Variants in CADM2 observed in about 807,000 individuals in gnomAD.
CADM2 encodes immunoglobulin superfamily member 4D.
CADM2 carries 12 observed loss-of-function variants against 49.8 expected under a neutral mutation model. That is an observed-to-expected ratio of 0.24 (90% CI 0.15 to 0.39). The LOEUF is 0.39. CADM2 is among the 10% of genes least tolerant of loss of function. The probability of loss-of-function intolerance (pLI) is 1.00; values close to 1 mark genes in which losing one functional copy is unlikely to be tolerated. For missense variants in CADM2, 378 were observed against 492.3 expected (o/e 0.77, Z 2.20); for synonymous variants, 214 against 175.4 (o/e 1.22, Z -1.74).
chr3:85,955,771 T>A (rs908074520), intron 7 of CADM2, among the ~76,000 whole-genome samples: 9 of 151,516 alleles, frequency 5.9e-5, no homozygotes, highest in African/African-American at 2.2e-4. Context: ...ATACAGGTAA[T>A]CTCTTATTAG....
intron 8 of CADM2, chr3:86,012,936 C>T: frequency 3.0e-6 from 2 of 657,914 alleles, no homozygotes; most frequent in Non-Finnish European, 5.5e-6. Flanking sequence ...GATCGCGCCA[C>T]TGCACTCCAG....
chr3:85,224,788 A>G (rs2042118998), intron 1 of CADM2, among the ~76,000 whole-genome samples: 1 of 152,184 alleles, frequency 6.6e-6, no homozygotes, highest in African/African-American at 2.4e-5. Context: ...ATAAGGTGTA[A>G]GGAAGGGATC....
At chr3:85,198,749 G>C (rs1387089689) in intron 1 of CADM2, among the ~76,000 whole-genome samples, 2 of 151,766 alleles carry the variant, frequency 1.3e-5, no homozygotes, top group Non-Finnish European at 3.0e-5. Context: ...AGCATAATTG[G>C]TGTTAAGTTG....
At chr3:85,154,074 A>AT (rs2040019992) in intron 1 of CADM2, among the ~76,000 whole-genome samples, 1 of 152,238 alleles carries the variant, frequency 6.6e-6, no homozygotes, top group Non-Finnish European at 1.5e-5. Context: ...CAGCAACAGA[A>AT]TAAAGCTGGA....
At chr3:85,817,210 G>A (rs1346888947) in intron 3 of CADM2, among the ~76,000 whole-genome samples, 3 of 152,180 alleles carry the variant, frequency 2.0e-5, no homozygotes, top group Non-Finnish European at 4.4e-5. Context: ...ACCTTTTAAT[G>A]TTGAGACTAG....
At chr3:85,129,118 A>G (rs1256270333) in intron 1 of CADM2, among the ~76,000 whole-genome samples, 1 of 152,134 alleles carries the variant, frequency 6.6e-6, no homozygotes, top group East Asian at 1.9e-4. Flanking sequence ...AACCCGGTCC[A>G]TAGCCAGTTC....
intron 1 of CADM2, among the ~76,000 whole-genome samples, chr3:85,087,649 A>C (rs2037432333): frequency 6.6e-6 from 1 of 152,176 alleles, no homozygotes; most frequent in Admixed American, 6.6e-5. Flanking sequence ...AATTTGTAAT[A>C]TATTTTTTGA....
chr3:85,087,129 A>T (rs2107514433), intron 1 of CADM2, among the ~76,000 whole-genome samples: 1 of 152,318 alleles, frequency 6.6e-6, no homozygotes, highest in Admixed American at 6.5e-5. Flanking sequence ...ATGACAGCAG[A>T]AAAAGGTAAT....
At chr3:85,070,943 C>G (rs539211551) in intron 1 of CADM2, among the ~76,000 whole-genome samples, 1 of 151,428 alleles carries the variant, frequency 6.6e-6, no homozygotes. Flanking sequence ...GAGCCGAGAT[C>G]GCGCCACCGC....
intron 1 of CADM2, among the ~76,000 whole-genome samples, chr3:85,044,916 G>A (rs977441061): frequency 6.6e-6 from 1 of 151,366 alleles, no homozygotes; most frequent in South Asian, 2.1e-4. Context: ...TCAAAATTGG[G>A]CCCATACAAA....
At position 85,912,563 on chromosome 3, in the gene CADM2, C is replaced by A; in HGVS notation, c.700+20C>A. On this transcript the variant is annotated intron_variant, in intron 6 of 9. Coordinates refer to ENST00000383699, the MANE Select transcript of CADM2 (RefSeq NM_001167675.2). ...TACACTGTAAGTAAACACTACTTCC[C>A]CCTCCTTTATCTCAGCAGCAAATCT... 6.2e-7 allele frequency: 1 copy of A among 1,600,206 alleles called. No individual in the cohort carries two copies. Among genetic ancestry groups the A allele is most frequent in the South Asian group, 1.1e-5 (1 of 89,610 alleles).
At chr3:85,897,581 T>G (rs1324033846) in intron 5 of CADM2, among the ~76,000 whole-genome samples, 1 of 152,014 alleles carries the variant, frequency 6.6e-6, no homozygotes, top group Non-Finnish European at 1.5e-5. Context: ...ACCTACATCT[T>G]AGTAATAGTC....
chr3:84,965,545 A>G (rs1454188726), intron 1 of CADM2, among the ~76,000 whole-genome samples: 2 of 152,246 alleles, frequency 1.3e-5, no homozygotes, highest in African/African-American at 2.4e-5. Context: ...TACTAAAACT[A>G]TCAACATTTT....
intron 1 of CADM2, among the ~76,000 whole-genome samples, chr3:85,411,433 A>G (rs2035650728): frequency 6.6e-6 from 1 of 152,218 alleles, no homozygotes; most frequent in East Asian, 1.9e-4. Flanking sequence ...ATGAAAGTTC[A>G]GTATACTTTA....
At chr3:85,538,765 A>C (rs998735599) in intron 1 of CADM2, among the ~76,000 whole-genome samples, 1 of 152,040 alleles carries the variant, frequency 6.6e-6, no homozygotes, top group Non-Finnish European at 1.5e-5. Context: ...ATTCTTTCTG[A>C]TGTACTTGGG....
chr3:85,054,171 A>G (rs1044062220), intron 1 of CADM2, among the ~76,000 whole-genome samples: 3 of 151,936 alleles, frequency 2.0e-5, no homozygotes, highest in Admixed American at 6.6e-5. Context: ...ACAAGAAGAA[A>G]GGAAGAGAAA....
intron 1 of CADM2, among the ~76,000 whole-genome samples, chr3:85,436,939 T>C (rs909448195): frequency 6.6e-6 from 1 of 152,220 alleles, no homozygotes; most frequent in Non-Finnish European, 1.5e-5. Context: ...ATGTTGAATG[T>C]ATTCACATTA....
At chr3:85,134,027 G>C (rs1024671789) in intron 1 of CADM2, among the ~76,000 whole-genome samples, 1 of 152,222 alleles carries the variant, frequency 6.6e-6, no homozygotes, top group Non-Finnish European at 1.5e-5. Context: ...GCTAAGGCCC[G>C]GTGAGAAATC....
At position 85,071,420 on chromosome 3, in the gene CADM2, A is replaced by G. The variant is rs116391400; in HGVS notation, c.61+111752A>G. On this transcript the variant is annotated intron_variant, in intron 1 of 9. Transcript: ENST00000383699. ...GTGCGTTTAACTAAATTCCTTTTAC[A>G]GTCAGTTTTGCTCAGGATAAAGGGA... Among the ~76,000 whole-genome samples the G allele has an allele frequency of 1.9e-3, 288 of 151,898 alleles. 2 individuals carry two copies. The highest frequency in any genetic ancestry group is 6.7e-3 in the African/African-American group (277 of 41,230).
Sources: gnomAD v4.1 joint callset for allele counts (sites outside exome capture counted in the v4.1 genomes callset) on GRCh38, gnomAD v4.1.1 for gene constraint, MANE v1.5 for transcripts, NCBI Gene and HGNC (gene_info 2026-07-23, HGNC 2026-07-21) for gene names.